Variants in NR2E3 observed in about 807,000 individuals in gnomAD.
NR2E3 encodes the protein photoreceptor-specific nuclear receptor.
A neutral mutation model predicts 37.6 loss-of-function variants in NR2E3; 38 were observed. That is an observed-to-expected ratio of 1.01 (90% CI 0.78 to 1.33). NR2E3 has a LOEUF of 1.33. NR2E3 is among the 40% of genes most tolerant of loss of function. The pLI is 0.00. For synonymous variants in NR2E3, 235 were observed against 225.1 expected, an observed-to-expected ratio of 1.04 and a Z score of -0.39; for missense variants, 562 against 558.7, an observed-to-expected ratio of 1.01 and a Z score of -0.06.
chr15:71,814,099 AC>A lies in NR2E3; in HGVS notation c.1086del (p.Ser363AlafsTer4). ...CTGAGCCAGCACAGCAAGGCCCACC[AC>A]CCCAGCCAGCCCGTGAGGTGACCTG... ...VMLSQHSKAH[H>X]PSQPVRFGKL... On this transcript the variant is annotated frameshift_variant, in exon 7 of 8. Transcript: ENST00000617575. LOFTEE classifies it high-confidence loss of function. 1 of 1,610,492 alleles carries A rather than the reference AC, an allele frequency of 6.2e-7. No individual in the cohort carries two copies. The highest frequency in any genetic ancestry group is 1.1e-5 in the South Asian group (1 of 90,732).
In NR2E3 at chr15:71,816,464, A is replaced by C. The variant is rs568415214; in HGVS notation, c.1101-1088A>C. On this transcript the variant is annotated intron_variant, in intron 7 of 7. Transcript: ENST00000617575. ...TTTAGTAGAGACGGGGTTTCACCGC[A>C]TTAGCCAGGATGGTCTCGATCTCCT... Among the ~76,000 whole-genome samples, 133 of 151,882 alleles carry C rather than the reference A, an allele frequency of 8.8e-4. No homozygotes were observed. The highest frequency in any genetic ancestry group is 1.7e-3 in the Non-Finnish European group (113 of 67,888).
chr15:71,811,916 G>A lies in NR2E3; in HGVS notation c.350-39G>A, dbSNP rs771589920. On this transcript the variant is annotated intron_variant, in intron 3 of 7. Transcript: ENST00000617575. This position sits in a 1 kb window ranked among gnomAD's most constrained non-coding sequence, Gnocchi z 5.6. Reference sequence around the variant, plus strand: ...GGGGAGGTGACAAGAAATGGGCAGCGGGACTGGCGTGTCGTCCTGACCCTT... The same window carrying A: ...GGGGAGGTGACAAGAAATGGGCAGCAGGACTGGCGTGTCGTCCTGACCCTT... 23 of 1,549,032 alleles carry A rather than the reference G, an allele frequency of 1.5e-5. No homozygotes were observed. Among genetic ancestry groups the A allele is most frequent in the African/African-American group, 2.7e-5 (2 of 73,024 alleles).
Position 71,811,794 on chromosome 15 carries a change from G to A in NR2E3, c.274G>A (p.Val92Met), listed in dbSNP as rs747703813. ...RCQVGAGMCP[V>M]DKAHRNQCQA... The stretch of plus-strand genomic sequence containing the variant: ...CCAGGTGGGGGCAGGGATGTGCCCC[G>A]TGGACAAGGCCCACCGCAACCAGTG... Residue 92 changes from valine (V) to methionine (M), a missense_variant, in exon 3 of 8, where the codon GTG becomes ATG. Val to Met is a conservative substitution (Grantham distance 21, BLOSUM62 1). Coordinates refer to ENST00000617575, the MANE Select transcript of NR2E3 (RefSeq NM_014249.4). This position sits in a 1 kb window ranked among gnomAD's most constrained non-coding sequence, Gnocchi z 5.6. 18 of 1,551,202 alleles carry A rather than the reference G, an allele frequency of 1.2e-5. No homozygotes were observed. Among genetic ancestry groups the A allele is most frequent in the Admixed American group, 2.0e-5 (1 of 51,008 alleles).
intron 7 of NR2E3, among the ~76,000 whole-genome samples, chr15:71,816,313 C>T (rs996818685): frequency 1.2e-4 from 18 of 144,638 alleles, no homozygotes; most frequent in South Asian, 2.2e-4. Context: ...CAGGCTGGAG[C>T]GCAGTGGCGT....
chr15:71,812,631 T>A, intron 5 of NR2E3, 120 bp downstream of exon 5: 1 of 888,974 alleles, frequency 1.1e-6, no homozygotes, highest in Non-Finnish European at 1.7e-6. Flanking sequence ...GCTTGGATGG[T>A]GATGGCTGGG....
chr15:71,814,175 C>T, intron 7 of NR2E3, 58 bp downstream of exon 7: 1 of 1,545,480 alleles, frequency 6.5e-7, no homozygotes, highest in Non-Finnish European at 8.7e-7. Context: ...CTTTCTCTGC[C>T]TCTCCCACAC....
chr15:71,817,642 T>A lies in NR2E3; in HGVS notation c.1191T>A (p.Asn397Lys), dbSNP rs1383717090. ...TCTTTTTCCGCAAGACCATAGGGAATACTCCAATGGAGAAGCTCCTTTGTG... is the reference window on the plus strand; with the variant it reads ...TCTTTTTCCGCAAGACCATAGGGAAAACTCCAATGGAGAAGCTCCTTTGTG... ...ELLFFRKTIG[N>K]TPMEKLLCDM... The change falls in exon 8 of 8, where the codon AAT becomes AAA. Residue 397 changes from asparagine to lysine, a missense_variant. Transcript: ENST00000617575. 1.9e-6 allele frequency: 3 copies of A among 1,609,620 alleles called. No individual in the cohort carries two copies. The African/African-American group carries it at 4.0e-5, about 21-fold the overall frequency.
At chr15:71,815,432 T>A (rs1194262918) in intron 7 of NR2E3, among the ~76,000 whole-genome samples, 2 of 152,234 alleles carry the variant, frequency 1.3e-5, no homozygotes, top group African/African-American at 4.8e-5. Context: ...CTGCTACTAC[T>A]AAGACTTGAC....
At position 71,810,613 on chromosome 15, in the gene NR2E3, C is replaced by G; in HGVS notation, c.-131C>G. 2 of 1,406,206 alleles carry G rather than the reference C, an allele frequency of 1.4e-6. No individual in the cohort carries two copies. Among genetic ancestry groups the G allele is most frequent in the Non-Finnish European group, 1.9e-6 (2 of 1,047,240 alleles). 87.1% of individuals were successfully genotyped at this position (1,406,206 alleles called of 1,614,324 possible). On this transcript the variant is annotated 5_prime_UTR_variant, in exon 1 of 8. Transcript: ENST00000617575. ...GGGCTTCGGGACCTTGGGGCAGCTC[C>G]TGAGTTCAGACAGAGTTCAGGAAGG... is the stretch of plus-strand genomic sequence containing the variant.
In NR2E3 at chr15:71,811,321, G is replaced by A. The variant is rs1325450477; in HGVS notation, c.119-162G>A. 6.6e-6 allele frequency among the ~76,000 whole-genome samples: 1 copy of A among 152,084 alleles called. No individual in the cohort carries two copies. The highest frequency in any genetic ancestry group is 2.4e-5 in the African/African-American group (1 of 41,416). Reference sequence around the variant, plus strand: ...GGGGGCTGGGGTGTGGATGCACAGTGAGGGAGACACTTCTCCAGATGGAAG... The same window carrying A: ...GGGGGCTGGGGTGTGGATGCACAGTAAGGGAGACACTTCTCCAGATGGAAG... On this transcript the variant is annotated intron_variant, in intron 1 of 7. Coordinates refer to ENST00000617575, the MANE Select transcript of NR2E3 (RefSeq NM_014249.4). The surrounding 1 kb of genome is among the most constrained non-coding windows in gnomAD (Gnocchi z 5.6).
intron 5 of NR2E3, 77 bp downstream of exon 5, chr15:71,812,588 A>C (rs1412538048): frequency 1.3e-5 from 17 of 1,295,468 alleles, no homozygotes; most frequent in Non-Finnish European, 1.5e-5. Context: ...CAGACAGGGC[A>C]CACACATCCC....
chr15:71,815,469 G>A (rs2054219539), intron 7 of NR2E3, among the ~76,000 whole-genome samples: 2 of 152,200 alleles, frequency 1.3e-5, no homozygotes, highest in Admixed American at 1.3e-4. Flanking sequence ...GGGATTCAGA[G>A]ACATTCAGAA....
Position 71,811,853 on chromosome 15 carries a change from G to A in NR2E3, c.333G>A (p.Ala111=), listed in dbSNP as rs900546. The A allele has an allele frequency of 4.4e-4, 681 of 1,551,276 alleles. 4 individuals are homozygous for A. In the African/African-American group the frequency reaches 7.8e-3, roughly 18 times the overall value. The change falls in exon 3 of 8, where the codon GCG becomes GCA. Residue 111 remains alanine (A), a synonymous_variant. Transcript: ENST00000617575. This position sits in a 1 kb window ranked among gnomAD's most constrained non-coding sequence, Gnocchi z 5.6. Reference sequence around the variant, plus strand: ...GCCGGCTGAAGAAGTGCCTGCAGGCGGGGATGAACCAGGACGGTGAGGCGG... The same window carrying A: ...GCCGGCTGAAGAAGTGCCTGCAGGCAGGGATGAACCAGGACGGTGAGGCGG... The part of the protein sequence containing the change: ...QACRLKKCLQ[A]GMNQDAVQNE...
intron 7 of NR2E3, chr15:71,814,841 G>A (rs2054215237): frequency 4.1e-6 from 4 of 985,732 alleles, no homozygotes; most frequent in Non-Finnish European, 3.6e-6. Flanking sequence ...GGCATGGCCA[G>A]GGGAAGCAGA....
rs1290972475 is a variant in NR2E3, at chr15:71,817,541, C to CT, written c.1101-10dup. 3 of 1,584,296 alleles carry CT rather than the reference C, an allele frequency of 1.9e-6. No homozygotes were observed. Among genetic ancestry groups the CT allele is most frequent in the Admixed American group, 1.7e-5 (1 of 59,684 alleles). Reference sequence around the variant, plus strand: ...GGTCGTAAAACTGATGGCGTCCTCTCTCCTGTTCAGGTTTGGGAAATTGCT... The same window carrying CT: ...GGTCGTAAAACTGATGGCGTCCTCTCTTCCTGTTCAGGTTTGGGAAATTGCT... On this transcript the variant is annotated splice_polypyrimidine_tract_variant and intron_variant, in intron 7 of 7. Coordinates refer to ENST00000617575, the MANE Select transcript of NR2E3 (RefSeq NM_014249.4).
At chr15:71,817,131 C>G (rs2054232995) in intron 7 of NR2E3, among the ~76,000 whole-genome samples, 1 of 144,418 alleles carries the variant, frequency 6.9e-6, no homozygotes, top group Admixed American at 7.1e-5. Context: ...CGGAGTCTTG[C>G]TCTGTAGCCG....
intron 5 of NR2E3, 56 bp downstream of exon 5, chr15:71,812,567 C>T: frequency 6.8e-7 from 1 of 1,477,430 alleles, no homozygotes; most frequent in East Asian, 2.4e-5. Flanking sequence ...AGGCGGCCCA[C>T]TCGAGTCAAC....
chr15:71,814,951 A>T, intron 7 of NR2E3: 3 of 973,078 alleles, frequency 3.1e-6, no homozygotes, highest in Non-Finnish European at 3.7e-6. Flanking sequence ...TGTTAAAAAT[A>T]TAAAAAGGAA....
At chr15:71,810,959 C>G (rs957662969) in intron 1 of NR2E3, 98 bp downstream of exon 1, 18 of 1,288,628 alleles carry the variant, frequency 1.4e-5, no homozygotes, top group Non-Finnish European at 1.9e-5. Context: ...CAGAACAACT[C>G]AGACCCAGCC....
Sources: gnomAD v4.1 joint callset for allele counts (sites outside exome capture counted in the v4.1 genomes callset) on GRCh38, gnomAD v4.1.1 for gene constraint, Gnocchi (gnomAD v3.1) non-coding constraint, MANE v1.5 for transcripts, NCBI Gene and HGNC (gene_info 2026-07-23, HGNC 2026-07-21) for gene names.